Variants in CAPSL observed in about 807,000 individuals in gnomAD.
CAPSL encodes calcyphosin-like protein.
A neutral mutation model predicts 21.3 loss-of-function variants in CAPSL; 17 were observed. The observed-to-expected ratio is 0.80, with a 90% confidence interval of 0.55 to 1.20. The LOEUF (loss-of-function observed/expected upper bound fraction) is 1.20, where lower values mean the gene tolerates loss of function less well. CAPSL is among the 50% of genes most tolerant of loss of function. The pLI, the probability that CAPSL is intolerant of heterozygous loss-of-function variation, is 0.00. For synonymous variants in CAPSL, 102 were observed against 89.3 expected, an observed-to-expected ratio of 1.14 and a Z score of -0.80; for missense variants, 289 against 259.3, an observed-to-expected ratio of 1.11 and a Z score of -0.79.
At chr5:35,921,474 T>C (rs934207826) in intron 1 of CAPSL, among the ~76,000 whole-genome samples, 2 of 152,206 alleles carry the variant, frequency 1.3e-5, no homozygotes, top group Non-Finnish European at 1.5e-5. Flanking sequence ...ATGTAGAATT[T>C]TCCATATTCC....
At chr5:35,909,575 A>G (rs1327470636) in intron 4 of CAPSL, among the ~76,000 whole-genome samples, 4 of 152,238 alleles carry the variant, frequency 2.6e-5, no homozygotes, top group Non-Finnish European at 4.4e-5. Flanking sequence ...TAATCAGAAC[A>G]TCACATTCCC....
Position 35,909,984 on chromosome 5 carries a change from A to C in CAPSL, c.407T>G (p.Leu136Arg). The change falls in exon 4 of 5, where the codon CTT becomes CGT. Residue 136 changes from leucine to arginine, a missense_variant. Transcript: ENST00000651391. ...TGDGVITIED[L>R]REVYNAKHHP... is the part of the protein sequence containing the mutation. ...GTGTTTTGCATTATATACTTCACGAAGGTCTTCGATTGTTATAACACCATC... is the reference window on the plus strand; with the variant it reads ...GTGTTTTGCATTATATACTTCACGACGGTCTTCGATTGTTATAACACCATC... The C allele has an allele frequency of 6.2e-7, 1 of 1,613,848 alleles. No homozygotes were observed. The highest frequency in any genetic ancestry group is 1.7e-5 in the Admixed American group (1 of 59,988).
At chr5:35,908,052 G>A (rs1738075887) in intron 4 of CAPSL, among the ~76,000 whole-genome samples, 1 of 152,176 alleles carries the variant, frequency 6.6e-6, no homozygotes. Context: ...GTTGATATGT[G>A]CTCAAAAAGT....
At chr5:35,919,170 A>AAATATATATAT (rs754098152) in intron 2 of CAPSL, among the ~76,000 whole-genome samples, 14 of 121,270 alleles carry the variant, frequency 1.2e-4, no homozygotes, top group East Asian at 2.2e-4. Context: ...TAAAAAAAAA[A>AAATATATATAT]ATATATATAT....
intron 1 of CAPSL, among the ~76,000 whole-genome samples, chr5:35,937,972 C>T (rs923880410): frequency 6.6e-6 from 1 of 152,140 alleles, no homozygotes; most frequent in African/African-American, 2.4e-5. Flanking sequence ...CCTCAAGTCT[C>T]TGATGAATCA....
intron 1 of CAPSL, among the ~76,000 whole-genome samples, chr5:35,925,142 C>T (rs572457272): frequency 6.6e-6 from 1 of 152,362 alleles, no homozygotes; most frequent in South Asian, 2.1e-4. Context: ...TCAGTCTCTG[C>T]CTTCCACACA....
chr5:35,913,490 C>T (rs1457091684), intron 2 of CAPSL, among the ~76,000 whole-genome samples: 3 of 152,218 alleles, frequency 2.0e-5, no homozygotes, highest in Admixed American at 2.0e-4. Context: ...GGAAGCCCAT[C>T]AGACTAACAG....
At chr5:35,933,101 A>G (rs700174) in intron 1 of CAPSL, among the ~76,000 whole-genome samples, 91,962 of 151,902 alleles carry the variant, frequency 0.61, 28,344 homozygotes, top group East Asian at 0.78. Context: ...GGCCCATGAA[A>G]CCTAAATTTC....
intron 4 of CAPSL, among the ~76,000 whole-genome samples, chr5:35,907,867 CTAAT>C (rs540073475): frequency 6.6e-6 from 1 of 152,278 alleles, no homozygotes; most frequent in East Asian, 1.9e-4. Flanking sequence ...ATTTTAGAAG[CTAAT>C]TATTCTTCTC....
intron 1 of CAPSL, among the ~76,000 whole-genome samples, chr5:35,925,992 C>T (rs1328129774): frequency 6.7e-6 from 1 of 149,926 alleles, no homozygotes; most frequent in Non-Finnish European, 1.5e-5. Flanking sequence ...AGGAGAATCG[C>T]TTGAACCCAG....
At chr5:35,919,910 G>T (rs1463518753) in intron 2 of CAPSL, among the ~76,000 whole-genome samples, 1 of 152,182 alleles carries the variant, frequency 6.6e-6, no homozygotes, top group African/African-American at 2.4e-5. Context: ...TCCACTGAGT[G>T]AACCAGAGAG....
chr5:35,926,216 GAGA>G (rs965983942), intron 1 of CAPSL, among the ~76,000 whole-genome samples: 3 of 152,178 alleles, frequency 2.0e-5, no homozygotes, highest in African/African-American at 7.2e-5. Flanking sequence ...TGGACGGAGA[GAGA>G]AGAAGAGATA....
intron 3 of CAPSL, 86 bp from the exon 4 acceptor site, chr5:35,910,161 C>A: frequency 5.8e-6 from 7 of 1,202,368 alleles, no homozygotes; most frequent in Non-Finnish European, 8.2e-6. Context: ...TCTCATTCCC[C>A]TCAACGATGT....
chr5:35,933,996 C>T (rs700173), intron 1 of CAPSL, among the ~76,000 whole-genome samples: 62,923 of 151,966 alleles, frequency 0.41, 13,552 homozygotes, highest in East Asian at 0.68. Context: ...GAAGCCAACA[C>T]GTGGCCATTT....
chr5:35,936,727 T>C (rs927072351), intron 1 of CAPSL, among the ~76,000 whole-genome samples: 1 of 152,226 alleles, frequency 6.6e-6, no homozygotes, highest in African/African-American at 2.4e-5. Context: ...GCTTCTTAAG[T>C]GCTGTTTCTC....
At chr5:35,932,873 G>A (rs762328477) in intron 1 of CAPSL, among the ~76,000 whole-genome samples, 9 of 152,058 alleles carry the variant, frequency 5.9e-5, no homozygotes, top group Non-Finnish European at 1.0e-4. Context: ...ACTTTTCCAC[G>A]GGCAGTTATG....
At chr5:35,938,358 CA>C (rs1739007558) in intron 1 of CAPSL, among the ~76,000 whole-genome samples, 182 bp downstream of exon 1, 1 of 152,028 alleles carries the variant, frequency 6.6e-6, no homozygotes, top group African/African-American at 2.4e-5. Context: ...AAATCTTTCC[CA>C]GTACCAAGCT....
chr5:35,931,427 A>C (rs966686357), intron 1 of CAPSL, among the ~76,000 whole-genome samples: 1 of 94,736 alleles, frequency 1.1e-5, no homozygotes, highest in Non-Finnish European at 2.2e-5. Flanking sequence ...TGTAACTGAC[A>C]CAATGTGTTA....
intron 2 of CAPSL, among the ~76,000 whole-genome samples, chr5:35,919,161 A>T (rs28525578): frequency 0.085 from 2,224 of 26,290 alleles, 78 homozygotes; most frequent in African/African-American, 0.13. Context: ...TTTCCTGATT[A>T]AAAAAAAAAA....
Sources: allele counts gnomAD v4.1 joint callset (sites outside exome capture counted in the v4.1 genomes callset), GRCh38; gene constraint gnomAD v4.1.1; transcripts MANE v1.5; gene names NCBI Gene and HGNC (gene_info 2026-07-23, HGNC 2026-07-21).